SBF2: variants seen among roughly 807,000 people sequenced by gnomAD.
SBF2 encodes the protein myotubularin-related protein 13.
SBF2 carries 112 observed loss-of-function variants against 225.2 expected under a neutral mutation model. That is an observed-to-expected ratio of 0.50 (90% CI 0.43 to 0.58). The LOEUF is 0.58. Among genes scored for constraint, SBF2 ranks in the 20% least tolerant of loss-of-function variants. The pLI, the probability that SBF2 is intolerant of heterozygous loss-of-function variation, is 0.00. For synonymous variants in SBF2, 763 were observed against 773.3 expected (o/e 0.99, Z 0.22); for missense variants, 1,996 against 2,206.2 (o/e 0.90, Z 1.91).
At chr11:10,037,105 C>A (rs1949466986) in intron 3 of SBF2, among the ~76,000 whole-genome samples, 1 of 152,094 alleles carries the variant, frequency 6.6e-6, no homozygotes, top group African/African-American at 2.4e-5. Flanking sequence ...TGAGGGACAT[C>A]AAGGGGACTG....
rs191233691 is a variant in SBF2, at chr11:10,132,710, T to G, written c.141+61192A>C. Reference sequence around the variant, plus strand: ...GAACGAAAGAACAAAGCTTCCACAGTGTGGAAGGGGACCCGAGCGGGTTGC... The same window carrying G: ...GAACGAAAGAACAAAGCTTCCACAGGGTGGAAGGGGACCCGAGCGGGTTGC... On this transcript the variant is annotated intron_variant, in intron 2 of 39. Transcript: ENST00000256190. 1.3e-5 allele frequency among the ~76,000 whole-genome samples: 2 copies of G among 148,254 alleles called. 1 individual carries two copies. The highest frequency in any genetic ancestry group is 3.0e-5 in the Non-Finnish European group (2 of 67,242).
intron 3 of SBF2, among the ~76,000 whole-genome samples, chr11:10,031,622 C>T (rs890830896): frequency 6.6e-6 from 1 of 152,204 alleles, no homozygotes; most frequent in African/African-American, 2.4e-5. Context: ...GTCTCAATGT[C>T]TCAAACAAGG....
intron 22 of SBF2, 58 bp downstream of exon 22, chr11:9,849,965 G>T: frequency 2.7e-6 from 4 of 1,471,006 alleles, no homozygotes; most frequent in Middle Eastern, 1.8e-4. Flanking sequence ...GCACAGATGG[G>T]ATCGAGACCT....
chr11:9,816,120 G>A (rs1854443633), intron 29 of SBF2, among the ~76,000 whole-genome samples: 3 of 152,314 alleles, frequency 2.0e-5, no homozygotes, highest in Admixed American at 2.0e-4. Context: ...CCTACTGGTA[G>A]TAATGAAATT....
At chr11:10,015,977 T>C (rs1390691750) in intron 6 of SBF2, among the ~76,000 whole-genome samples, 1 of 152,048 alleles carries the variant, frequency 6.6e-6, no homozygotes, top group Non-Finnish European at 1.5e-5. Context: ...GGGTCCCACC[T>C]TGTTGTCCAG....
intron 16 of SBF2, among the ~76,000 whole-genome samples, chr11:9,928,499 G>A (rs1436550424): frequency 6.6e-6 from 1 of 152,174 alleles, no homozygotes; most frequent in Admixed American, 6.5e-5. Flanking sequence ...TACTCATGGT[G>A]GGAATGTAAA....
chr11:10,101,587 C>T (rs1952302978), intron 2 of SBF2, among the ~76,000 whole-genome samples: 1 of 151,848 alleles, frequency 6.6e-6, no homozygotes, highest in South Asian at 2.1e-4. Flanking sequence ...AACCCGGAAA[C>T]CTGGTATGCC....
At chr11:10,248,560 T>C (rs1228180526) in intron 1 of SBF2, among the ~76,000 whole-genome samples, 2 of 152,186 alleles carry the variant, frequency 1.3e-5, no homozygotes. Context: ...TTACCAAGGT[T>C]TTTCACCAAA....
chr11:9,895,390 G>C (rs1861165445), intron 17 of SBF2, among the ~76,000 whole-genome samples: 1 of 152,074 alleles, frequency 6.6e-6, no homozygotes, highest in Non-Finnish European at 1.5e-5. Context: ...GAAATTTGCT[G>C]GTTTTTTCTG....
At chr11:10,053,691 GCTGCAATGAGC>G (rs1039635249) in intron 2 of SBF2, among the ~76,000 whole-genome samples, 2 of 151,920 alleles carry the variant, frequency 1.3e-5, no homozygotes, top group African/African-American at 4.8e-5. Context: ...GGCATAAGAG[GCTGCAATGAGC>G]TGAGATCGCA....
chr11:9,866,765 A>T (rs1242649164), intron 17 of SBF2, among the ~76,000 whole-genome samples: 2 of 152,244 alleles, frequency 1.3e-5, no homozygotes, highest in Non-Finnish European at 2.9e-5. Flanking sequence ...TCCATAGCAA[A>T]GGAAACAATT....
At chr11:10,053,019 A>ATG (rs766510736) in intron 2 of SBF2, among the ~76,000 whole-genome samples, 7 of 151,950 alleles carry the variant, frequency 4.6e-5, no homozygotes, top group South Asian at 2.1e-4. Flanking sequence ...GTATGTATGT[A>ATG]TGTGTGTGTG....
intron 2 of SBF2, among the ~76,000 whole-genome samples, chr11:10,161,014 C>T (rs574059583): frequency 6.6e-6 from 1 of 152,064 alleles, no homozygotes; most frequent in South Asian, 2.1e-4. Context: ...TGGTGAAACC[C>T]CATCTCTACT....
At chr11:10,191,815 G>A (rs1957185218) in intron 2 of SBF2, among the ~76,000 whole-genome samples, 2 of 152,124 alleles carry the variant, frequency 1.3e-5, no homozygotes, top group Non-Finnish European at 2.9e-5. Context: ...TCTCTCCCTT[G>A]CTACTGGAGA....
At chr11:10,000,850 G>A (rs1159690065) in intron 8 of SBF2, 64 bp downstream of exon 8, 1 of 838,804 alleles carries the variant, frequency 1.2e-6, no homozygotes, top group Non-Finnish European at 2.1e-6. Context: ...AATGTTATAG[G>A]ACCCAAAGAA....
chr11:10,085,360 C>T (rs1443826574), intron 2 of SBF2, among the ~76,000 whole-genome samples: 1 of 152,044 alleles, frequency 6.6e-6, no homozygotes, highest in Non-Finnish European at 1.5e-5. Flanking sequence ...TTTTTTCTGA[C>T]CCCGTATTGA....
At chr11:9,781,033 C>A (rs1483655880) in intron 39 of SBF2, among the ~76,000 whole-genome samples, 1 of 152,228 alleles carries the variant, frequency 6.6e-6, no homozygotes, top group Admixed American at 6.5e-5. Flanking sequence ...CTGCTTGACT[C>A]CAGGGACTAC....
At position 10,227,489 on chromosome 11, in the gene SBF2, A is replaced by G. The variant is rs1239922847; in HGVS notation, c.56-33502T>C. ...TTAAGTCTTTAATCCATCTTGAATT[A>G]ATTTTTGTATAAGGTGTAAGGAAGG... On this transcript the variant is annotated intron_variant, in intron 1 of 39. Coordinates refer to ENST00000256190, the MANE Select transcript of SBF2 (RefSeq NM_030962.4). 2.2e-4 allele frequency among the ~76,000 whole-genome samples: 34 copies of G among 152,150 alleles called. No homozygotes were observed. In the East Asian group the frequency reaches 2.3e-3, roughly 10 times the overall value.
chr11:10,163,204 TG>T (rs1214365036), intron 2 of SBF2, among the ~76,000 whole-genome samples: 1 of 152,178 alleles, frequency 6.6e-6, no homozygotes, highest in Non-Finnish European at 1.5e-5. Context: ...ATTTTCAATA[TG>T]GTTCTTTAAA....
Sources: gnomAD v4.1 joint callset for allele counts (sites outside exome capture counted in the v4.1 genomes callset) on GRCh38, gnomAD v4.1.1 for gene constraint, MANE v1.5 for transcripts, NCBI Gene and HGNC (gene_info 2026-07-23, HGNC 2026-07-21) for gene names.